Variants in B3GLCT observed in about 807,000 individuals in gnomAD.
B3GLCT encodes the protein beta-1,3-glucosyltransferase.
In B3GLCT, 65 loss-of-function variants were observed where a neutral mutation model predicts 63.4. The observed-to-expected ratio is 1.03, with a 90% CI of 0.84 to 1.26. B3GLCT has a LOEUF of 1.26. B3GLCT is among the 50% of genes most tolerant of loss of function. B3GLCT has a pLI of 0.00. For missense variants in B3GLCT, 577 were observed against 604.8 expected, an observed-to-expected ratio of 0.95 and a Z score of 0.48; for synonymous variants, 233 against 219.2, an observed-to-expected ratio of 1.06 and a Z score of -0.55.
At chr13:31,276,349 G>A (rs868068209) in intron 9 of B3GLCT, among the ~76,000 whole-genome samples, 9 of 152,282 alleles carry the variant, frequency 5.9e-5, no homozygotes, top group African/African-American at 9.6e-5. Flanking sequence ...GAAATGAGAG[G>A]TAACTAACAT....
chr13:31,302,173 C>T (rs1208706162), intron 12 of B3GLCT, among the ~76,000 whole-genome samples: 1 of 152,202 alleles, frequency 6.6e-6, no homozygotes, highest in South Asian at 2.1e-4. Context: ...GATAAGGCTT[C>T]TGGAACTGTC....
rs574866284 is a variant in B3GLCT, at chr13:31,229,012, C to T, written c.161-173C>T. On this transcript the variant is annotated intron_variant, in intron 3 of 14. Transcript: ENST00000343307. ...ACTTCTAGGAAGGAAGCTTGGGAAA[C>T]AGTTTAAAAAGAGAGAAAATTTTGT... Among the ~76,000 whole-genome samples, 14 of 152,158 alleles carry T rather than the reference C, an allele frequency of 9.2e-5. No individual in the cohort carries two copies. In the East Asian group the frequency reaches 2.7e-3, roughly 29 times the overall value.
chr13:31,265,861 A>G (rs117967079), intron 7 of B3GLCT, among the ~76,000 whole-genome samples: 1 of 152,256 alleles, frequency 6.6e-6, no homozygotes, highest in East Asian at 1.9e-4. Context: ...GTTAGCTAGG[A>G]AGTGGGACTG....
intron 10 of B3GLCT, among the ~76,000 whole-genome samples, chr13:31,283,713 A>G (rs999003383): frequency 5.9e-5 from 9 of 152,276 alleles, no homozygotes; most frequent in African/African-American, 2.2e-4. Flanking sequence ...CTAAACACTT[A>G]AATTTTACAT....
chr13:31,210,044 T>C lies in B3GLCT; in HGVS notation c.71-5007T>C, dbSNP rs149373109. 2.4e-4 allele frequency among the ~76,000 whole-genome samples: 36 copies of C among 152,308 alleles called. 1 individual carries two copies. Among genetic ancestry groups the C allele is most frequent in the African/African-American group, 8.7e-4 (36 of 41,564 alleles). Reference sequence around the variant, plus strand: ...GTGTTGCAATTAATTACTCGCCAGTTTTCTTGCACTCCGGGGCTTAGGCTG... The same window carrying C: ...GTGTTGCAATTAATTACTCGCCAGTCTTCTTGCACTCCGGGGCTTAGGCTG... On this transcript the variant is annotated intron_variant, in intron 1 of 14. Coordinates refer to ENST00000343307, the MANE Select transcript of B3GLCT (RefSeq NM_194318.4).
chr13:31,290,225 A>G (rs1247101058), intron 12 of B3GLCT, among the ~76,000 whole-genome samples: 2 of 152,142 alleles, frequency 1.3e-5, no homozygotes, highest in South Asian at 2.1e-4. Context: ...ATAGTATTCC[A>G]TGGTGTTTAT....
At chr13:31,265,394 A>G (rs1380887300) in intron 7 of B3GLCT, among the ~76,000 whole-genome samples, 1 of 152,214 alleles carries the variant, frequency 6.6e-6, no homozygotes, top group Non-Finnish European at 1.5e-5. Flanking sequence ...AGGCCAGTCC[A>G]GGAATGTTGA....
At chr13:31,201,008 G>T (rs1425722475) in intron 1 of B3GLCT, among the ~76,000 whole-genome samples, 119 of 87,272 alleles carry the variant, frequency 1.4e-3, no homozygotes, top group African/African-American at 4.1e-3. Flanking sequence ...TGTGATAAAA[G>T]TTAAAAAAAA....
intron 7 of B3GLCT, among the ~76,000 whole-genome samples, chr13:31,265,003 A>G (rs1014452849): frequency 1.1e-4 from 16 of 152,156 alleles, no homozygotes; most frequent in Non-Finnish European, 4.4e-5. Context: ...CATTTATCCT[A>G]AATCTGGTTC....
At chr13:31,200,623 G>T (rs1202301704) in intron 1 of B3GLCT, among the ~76,000 whole-genome samples, 1 of 151,694 alleles carries the variant, frequency 6.6e-6, no homozygotes. Context: ...CGGGAGGCTG[G>T]ACGGGAGCCG....
chr13:31,249,555 C>CCATT (rs1871334141), intron 6 of B3GLCT, among the ~76,000 whole-genome samples: 1 of 152,136 alleles, frequency 6.6e-6, no homozygotes, highest in Non-Finnish European at 1.5e-5. Context: ...GGTTATTTTT[C>CCATT]CATTATCCAT....
intron 6 of B3GLCT, among the ~76,000 whole-genome samples, chr13:31,255,840 C>T (rs1161035261): frequency 6.6e-6 from 1 of 152,032 alleles, no homozygotes; most frequent in Non-Finnish European, 1.5e-5. Flanking sequence ...CCATAAAAAC[C>T]TCAGAAGAAA....
intron 13 of B3GLCT, among the ~76,000 whole-genome samples, chr13:31,319,485 A>T (rs1875222536): frequency 6.6e-6 from 1 of 152,130 alleles, no homozygotes; most frequent in African/African-American, 2.4e-5. Context: ...ATCCTGTTTC[A>T]CTGACAGCCT....
intron 12 of B3GLCT, among the ~76,000 whole-genome samples, chr13:31,289,780 G>A (rs763225533): frequency 6.6e-6 from 1 of 151,770 alleles, no homozygotes; most frequent in Non-Finnish European, 1.5e-5. Context: ...GAATATAACT[G>A]GATTAAATGC....
chr13:31,212,267 CTTTTTTTTTT>C (rs59719685), intron 1 of B3GLCT, among the ~76,000 whole-genome samples: 2 of 91,638 alleles, frequency 2.2e-5, no homozygotes, highest in Non-Finnish European at 4.1e-5. Context: ...GCATAACTGG[CTTTTTTTTTT>C]TTTTTTTTTT....
At position 31,241,463 on chromosome 13, in the gene B3GLCT, C is replaced by A. The variant is rs116994344; in HGVS notation, c.271-5560C>A. On this transcript the variant is annotated intron_variant, in intron 4 of 14. Coordinates refer to ENST00000343307, the MANE Select transcript of B3GLCT (RefSeq NM_194318.4). ...ACATGGTGCCAGTGGTGTGTGATGC[C>A]CAGCAGGGATGGCCTCTCCAGGGTG... Among the ~76,000 whole-genome samples, 389 of 152,256 alleles carry A rather than the reference C, an allele frequency of 2.6e-3. 1 individual carries two copies. Among genetic ancestry groups the A allele is most frequent in the Admixed American group, 4.1e-3 (63 of 15,294 alleles).
chr13:31,230,118 T>C (rs1870305009), intron 4 of B3GLCT, among the ~76,000 whole-genome samples: 1 of 152,230 alleles, frequency 6.6e-6, no homozygotes, highest in Non-Finnish European at 1.5e-5. Context: ...TGATTTATAA[T>C]GTAATATTCC....
chr13:31,230,169 T>C (rs995482085), intron 4 of B3GLCT, among the ~76,000 whole-genome samples: 4 of 152,208 alleles, frequency 2.6e-5, no homozygotes, highest in African/African-American at 4.8e-5. Flanking sequence ...TATAGGTACA[T>C]TTTAATAACA....
At chr13:31,219,229 C>G (rs117436208) in intron 2 of B3GLCT, among the ~76,000 whole-genome samples, 2,863 of 152,262 alleles carry the variant, frequency 0.019, 39 homozygotes, top group South Asian at 0.036. Flanking sequence ...TTCAGCAGCA[C>G]ATCAAAAGCT....
Sources: allele counts gnomAD v4.1 joint callset (sites outside exome capture counted in the v4.1 genomes callset), GRCh38; gene constraint gnomAD v4.1.1; transcripts MANE v1.5; gene names NCBI Gene and HGNC (gene_info 2026-07-23, HGNC 2026-07-21).